C4orf36: variants seen among roughly 807,000 people sequenced by gnomAD.
C4orf36 encodes uncharacterized protein C4orf36.
C4orf36 carries 11 observed loss-of-function variants against 12.2 expected under a neutral mutation model. The ratio of observed to expected loss-of-function variants is 0.90; its 90% CI spans 0.57 to 1.49. The LOEUF is 1.49. C4orf36 is among the 40% of genes most tolerant of loss of function. C4orf36 has a pLI of 0.00. For synonymous variants in C4orf36, 54 were observed against 51.3 expected (o/e 1.05, Z -0.22); for missense variants, 137 against 133.9 (o/e 1.02, Z -0.11).
chr4:86,908,168 TACACAC>T, the C4orf36 span, among the ~76,000 whole-genome samples: 7,734 of 140,844 alleles, frequency 0.055, 218 homozygotes, highest in Middle Eastern at 0.085. Context: ...ACTTTCAACA[TACACAC>T]ACACACACAC....
At chr4:86,894,100 T>C (rs1250207982), upstream of C4orf36, among the ~76,000 whole-genome samples, 1 of 151,994 alleles carries the variant, frequency 6.6e-6, no homozygotes, top group Non-Finnish European at 1.5e-5. Context: ...GGTTTCACCG[T>C]GTTAGCCAGG....
the C4orf36 span, among the ~76,000 whole-genome samples, chr4:86,912,188 A>AAAAC: frequency 5.9e-5 from 9 of 151,990 alleles, no homozygotes; most frequent in South Asian, 2.1e-4. Flanking sequence ...TAAAAAAACA[A>AAAAC]AAACAAACAA....
At chr4:86,883,157 G>A (rs2149420297) in intron 4 of C4orf36, among the ~76,000 whole-genome samples, 1 of 152,186 alleles carries the variant, frequency 6.6e-6, no homozygotes, top group East Asian at 1.9e-4. Context: ...AATGATATCT[G>A]TGCTTCTGGG....
chr4:86,883,935 A>G (rs1035566876), intron 4 of C4orf36, among the ~76,000 whole-genome samples: 2 of 152,058 alleles, frequency 1.3e-5, no homozygotes, highest in Non-Finnish European at 2.9e-5. Flanking sequence ...TTACTGAAGC[A>G]TGAGAATTGC....
At chr4:86,877,969 A>G (rs1328467970) in intron 4 of C4orf36, among the ~76,000 whole-genome samples, 1 of 152,222 alleles carries the variant, frequency 6.6e-6, no homozygotes, top group African/African-American at 2.4e-5. Flanking sequence ...GTGAGATAAA[A>G]TTGGCCGTGA....
At chr4:86,912,536 G>A in the C4orf36 span, among the ~76,000 whole-genome samples, 1 of 152,024 alleles carries the variant, frequency 6.6e-6, no homozygotes, top group Admixed American at 6.6e-5. Flanking sequence ...GAATTAATAG[G>A]TCTCCTGATA....
the C4orf36 span, among the ~76,000 whole-genome samples, chr4:86,933,003 T>C: frequency 6.6e-6 from 1 of 152,164 alleles, no homozygotes; most frequent in Non-Finnish European, 1.5e-5. Flanking sequence ...ATTACTCTCC[T>C]TTTGTTTATG....
At position 86,892,390 on chromosome 4, in the gene C4orf36, G is replaced by T; in HGVS notation, c.-281C>A. 2.0e-6 allele frequency: 2 copies of T among 985,530 alleles called. No homozygotes were observed. Among genetic ancestry groups the T allele is most frequent in the African/African-American group, 1.7e-5 (1 of 57,368 alleles). 61.0% of individuals were successfully genotyped at this position (985,530 alleles called of 1,614,324 possible). A position where few individuals can be genotyped will look rare whatever the true frequency, so the allele number is the denominator to read the frequency against. On this transcript the variant is annotated 5_prime_UTR_variant, in exon 1 of 5. Transcript: ENST00000295898. ...CCTCGGGGCCGCGCCGCAGGCACAC[G>T]CCTCCTTCCCGCTCGCCGCGGGCGC... is the stretch of plus-strand genomic sequence containing the variant.
chr4:86,925,983 TCTC>T, the C4orf36 span: 2 of 151,658 alleles, frequency 1.3e-5, no homozygotes, highest in Non-Finnish European at 2.9e-5. Context: ...TTGAAGCAAT[TCTC>T]CTGCCTCAGC....
chr4:86,905,051 C>T, the C4orf36 span, among the ~76,000 whole-genome samples: 1 of 151,734 alleles, frequency 6.6e-6, no homozygotes, highest in Non-Finnish European at 1.5e-5. Context: ...GTCTAGGCAA[C>T]ATAATGAGAC....
chr4:86,880,535 A>C (rs1285952339), intron 4 of C4orf36, among the ~76,000 whole-genome samples: 2 of 152,212 alleles, frequency 1.3e-5, no homozygotes, highest in Non-Finnish European at 2.9e-5. Context: ...CCAACCAACA[A>C]CACTATGTGT....
the C4orf36 span, chr4:86,913,135 G>T: frequency 3.6e-6 from 1 of 280,138 alleles, no homozygotes; most frequent in South Asian, 4.8e-5. Context: ...AAACCACATG[G>T]TATTGGCGTG....
In C4orf36 at chr4:86,876,396, T is replaced by C. The variant is rs1183982236; in HGVS notation, c.*50A>G. On this transcript the variant is annotated 3_prime_UTR_variant, in exon 5 of 5. Coordinates refer to ENST00000295898, the MANE Select transcript of C4orf36 (RefSeq NM_144645.4). ...GTCCTGGGCGGCCCAGGAGAAGCAG[T>C]TCCCGCCGGCGCTGCTGAGTTTCTT... 1.9e-6 allele frequency: 3 copies of C among 1,609,596 alleles called. No individual in the cohort carries two copies. The African/African-American group carries it at 4.0e-5, about 22-fold the overall frequency.
At position 86,888,109 on chromosome 4, in the gene C4orf36, T is replaced by C; in HGVS notation, c.220+12A>G. ...ATTTATAACTTATTAAAGCAGAACT[T>C]AAGGAACTTACATTCTGCAGAAGGG... On this transcript the variant is annotated intron_variant, in intron 3 of 4. Transcript: ENST00000295898. 6.2e-7 allele frequency: 1 copy of C among 1,606,464 alleles called. No homozygotes were observed. The highest frequency in any genetic ancestry group is 8.5e-7 in the Non-Finnish European group (1 of 1,176,622).
At chr4:86,927,787 G>C in the C4orf36 span, among the ~76,000 whole-genome samples, 2 of 119,386 alleles carry the variant, frequency 1.7e-5, no homozygotes, top group African/African-American at 5.9e-5. Flanking sequence ...CAACAAGAGC[G>C]AGGCTCCATT....
At chr4:86,893,894 T>G (rs958047192), upstream of C4orf36, among the ~76,000 whole-genome samples, 14 of 150,642 alleles carry the variant, frequency 9.3e-5, no homozygotes, top group Non-Finnish European at 1.9e-4. Context: ...ATTTATTTAT[T>G]TATTTATTTA....
chr4:86,902,177 T>C, the C4orf36 span, among the ~76,000 whole-genome samples: 1 of 151,888 alleles, frequency 6.6e-6, no homozygotes, highest in Non-Finnish European at 1.5e-5. Flanking sequence ...TCTCAGCACT[T>C]TGGGAGGCCA....
the C4orf36 span, chr4:86,913,684 T>C: frequency 2.5e-6 from 4 of 1,604,102 alleles, no homozygotes; most frequent in East Asian, 6.7e-5. Flanking sequence ...CTGTTGTGGC[T>C]GACCCAGGCC....
At chr4:86,884,714 C>T (rs558416383) in intron 4 of C4orf36, among the ~76,000 whole-genome samples, 1 of 152,290 alleles carries the variant, frequency 6.6e-6, no homozygotes, top group East Asian at 1.9e-4. Flanking sequence ...AACTAGATCC[C>T]ATTTGTCAAT....
Sources: allele counts gnomAD v4.1 joint callset (sites outside exome capture counted in the v4.1 genomes callset), GRCh38; gene constraint gnomAD v4.1.1; transcripts MANE v1.5; gene names NCBI Gene and HGNC (gene_info 2026-07-23, HGNC 2026-07-21).